Variants in WWOX observed in about 807,000 individuals in gnomAD.
WWOX encodes WW domain-containing oxidoreductase.
A neutral mutation model predicts 46.2 loss-of-function variants in WWOX; 69 were observed. That is an observed-to-expected ratio of 1.49 (90% CI 1.23 to 1.82). The LOEUF (loss-of-function observed/expected upper bound fraction) is 1.82, where lower values mean the gene tolerates loss of function less well. WWOX is among the 40% of genes most tolerant of loss of function. WWOX has a pLI of 0.00. For synonymous variants in WWOX, 359 were observed against 202.6 expected (o/e 1.77, Z -6.56); for missense variants, 919 against 542.6 (o/e 1.69, Z -6.89).
intron 8 of WWOX, among the ~76,000 whole-genome samples, chr16:78,453,223 A>G (rs74949472): frequency 6.6e-6 from 1 of 151,854 alleles, no homozygotes; most frequent in African/African-American, 2.4e-5. Flanking sequence ...CAGGAGTTTG[A>G]TAATAGCCTG....
intron 8 of WWOX, among the ~76,000 whole-genome samples, chr16:78,652,332 C>A (rs766420963): frequency 6.7e-6 from 1 of 149,538 alleles, no homozygotes; most frequent in Non-Finnish European, 1.5e-5. Flanking sequence ...TCACTTGAAC[C>A]CGGGAGGTGG....
At chr16:78,676,118 C>G (rs1449281098) in intron 8 of WWOX, among the ~76,000 whole-genome samples, 1 of 151,616 alleles carries the variant, frequency 6.6e-6, no homozygotes, top group African/African-American at 2.4e-5. Context: ...ATCAGACAAC[C>G]AGACAACCAG....
At chr16:79,079,496 C>G (rs775007606) in intron 8 of WWOX, among the ~76,000 whole-genome samples, 3 of 152,168 alleles carry the variant, frequency 2.0e-5, no homozygotes, top group Non-Finnish European at 4.4e-5. Flanking sequence ...GTTGTTTGCC[C>G]CAACCCCCTG....
intron 8 of WWOX, among the ~76,000 whole-genome samples, chr16:78,471,866 C>T (rs556813329): frequency 4.4e-4 from 67 of 152,252 alleles, no homozygotes; most frequent in Non-Finnish European, 7.6e-4. Flanking sequence ...TTTTAATGTA[C>T]CAATTTGCAA....
chr16:78,208,852 A>G (rs913002141), intron 5 of WWOX, among the ~76,000 whole-genome samples: 1 of 152,238 alleles, frequency 6.6e-6, no homozygotes, highest in African/African-American at 2.4e-5. Flanking sequence ...TAATTACTAT[A>G]AATTCTAAGT....
chr16:78,720,361 T>C (rs1487687116), intron 8 of WWOX, among the ~76,000 whole-genome samples: 1 of 152,174 alleles, frequency 6.6e-6, no homozygotes, highest in East Asian at 1.9e-4. Flanking sequence ...TTTTCTTTCT[T>C]TTCACAAGAA....
At chr16:79,167,083 G>A (rs1032694447) in intron 8 of WWOX, among the ~76,000 whole-genome samples, 1 of 152,094 alleles carries the variant, frequency 6.6e-6, no homozygotes, top group Non-Finnish European at 1.5e-5. Context: ...TGTGATTACA[G>A]GTGTGTGCTA....
At chr16:78,898,289 C>A (rs2044747723) in intron 8 of WWOX, 1 of 152,094 alleles carries the variant, frequency 6.6e-6, no homozygotes, top group Non-Finnish European at 1.5e-5. Context: ...ACATTCAGAT[C>A]TATGTTCCAT....
intron 8 of WWOX, among the ~76,000 whole-genome samples, chr16:78,572,953 T>C (rs1445666779): frequency 1.3e-5 from 2 of 152,134 alleles, no homozygotes; most frequent in African/African-American, 2.4e-5. Flanking sequence ...ATGTGGCACA[T>C]ATCACATAAT....
chr16:78,498,629 A>G (rs1035305067), intron 8 of WWOX, among the ~76,000 whole-genome samples: 8 of 152,178 alleles, frequency 5.3e-5, no homozygotes, highest in African/African-American at 1.9e-4. Flanking sequence ...CAGAAGGGAC[A>G]TTGTTGTTTC....
intron 5 of WWOX, among the ~76,000 whole-genome samples, chr16:78,287,974 T>G (rs1164768776): frequency 6.6e-6 from 1 of 152,082 alleles, no homozygotes; most frequent in Non-Finnish European, 1.5e-5. Context: ...ATTTTTAGAG[T>G]GAAGCAGTTT....
At chr16:78,823,920 C>T (rs868406365) in intron 8 of WWOX, among the ~76,000 whole-genome samples, 75 of 152,056 alleles carry the variant, frequency 4.9e-4, no homozygotes, top group African/African-American at 1.8e-3. Context: ...GGACTACAGG[C>T]GAGAGCCACC....
At chr16:78,588,457 A>G (rs1384805958) in intron 8 of WWOX, among the ~76,000 whole-genome samples, 4 of 152,196 alleles carry the variant, frequency 2.6e-5, no homozygotes, top group Admixed American at 2.0e-4. Flanking sequence ...AGCAGCAAAA[A>G]TCTGCCCTGT....
chr16:78,874,415 G>T (rs934797090), intron 8 of WWOX, among the ~76,000 whole-genome samples: 2 of 152,046 alleles, frequency 1.3e-5, no homozygotes, highest in Admixed American at 6.6e-5. Flanking sequence ...GTCAAGTCCC[G>T]CTCCCTTGGA....
chr16:78,966,058 C>G (rs1338400190), intron 8 of WWOX, among the ~76,000 whole-genome samples: 2 of 152,194 alleles, frequency 1.3e-5, no homozygotes, highest in Non-Finnish European at 2.9e-5. Context: ...TTTGGATACA[C>G]TGTGTGACCA....
At chr16:78,771,441 T>C (rs899135184) in intron 8 of WWOX, among the ~76,000 whole-genome samples, 2 of 152,128 alleles carry the variant, frequency 1.3e-5, no homozygotes, top group African/African-American at 2.4e-5. Flanking sequence ...TTCAACATCA[T>C]GAGTGTAATT....
intron 8 of WWOX, among the ~76,000 whole-genome samples, chr16:78,706,058 GTTTTTTTTT>G (rs3051058): frequency 9.4e-6 from 1 of 106,428 alleles, no homozygotes; most frequent in African/African-American, 3.6e-5. Context: ...GTTATGGCAG[GTTTTTTTTT>G]TTTTTTTTTT....
chr16:78,573,308 C>CA (rs1217739983), intron 8 of WWOX, among the ~76,000 whole-genome samples: 1 of 151,986 alleles, frequency 6.6e-6, no homozygotes, highest in Non-Finnish European at 1.5e-5. Flanking sequence ...CAAAACAAAA[C>CA]AAAAAAGGTT....
intron 8 of WWOX, among the ~76,000 whole-genome samples, chr16:79,172,876 C>G (rs1248897505): frequency 3.3e-5 from 5 of 151,472 alleles, no homozygotes; most frequent in Non-Finnish European, 7.4e-5. Flanking sequence ...AAAAAAAATG[C>G]CAGGTGTAGT....
Sources: gnomAD v4.1 joint callset for allele counts (sites outside exome capture counted in the v4.1 genomes callset) on GRCh38, gnomAD v4.1.1 for gene constraint, MANE v1.5 for transcripts, NCBI Gene and HGNC (gene_info 2026-07-23, HGNC 2026-07-21) for gene names.